RAB28: variants seen among roughly 807,000 people sequenced by gnomAD.
RAB28 encodes the protein ras-related protein Rab-28.
Under a neutral mutation model 31.7 loss-of-function variants are expected in RAB28, and 24 were observed. The observed-to-expected ratio is 0.76, with a 90% CI of 0.55 to 1.06. RAB28 has a LOEUF of 1.06. RAB28 is among the 50% of genes least tolerant of loss of function. The probability of loss-of-function intolerance (pLI) is 0.00; values close to 1 mark genes in which losing one functional copy is unlikely to be tolerated. For missense variants in RAB28, 254 were observed against 258.5 expected (o/e 0.98, Z 0.12); for synonymous variants, 100 against 90.4 (o/e 1.11, Z -0.60).
chr4:13,411,095 T>C (rs139357857), intron 4 of RAB28, among the ~76,000 whole-genome samples: 56 of 152,010 alleles, frequency 3.7e-4, no homozygotes, highest in African/African-American at 1.3e-3. Flanking sequence ...ATAAACTCAA[T>C]GAGAGGGAAA....
chr4:13,377,679 G>T (rs1728973717), intron 5 of RAB28, among the ~76,000 whole-genome samples: 1 of 152,222 alleles, frequency 6.6e-6, no homozygotes, highest in African/African-American at 2.4e-5. Context: ...AACAGCATTA[G>T]TCTGGTTGTT....
At chr4:13,419,090 G>C (rs1397793168) in intron 4 of RAB28, among the ~76,000 whole-genome samples, 1 of 151,726 alleles carries the variant, frequency 6.6e-6, no homozygotes, top group African/African-American at 2.4e-5. Flanking sequence ...AAAAAGCAGG[G>C]GTTGCAATCC....
intron 4 of RAB28, among the ~76,000 whole-genome samples, chr4:13,385,948 G>A (rs530674957): frequency 4.7e-4 from 71 of 152,230 alleles, no homozygotes; most frequent in Non-Finnish European, 8.4e-4. Context: ...ACAGACATTG[G>A]TTTGGGCAAA....
chr4:13,424,016 G>C (rs929257929), intron 4 of RAB28, among the ~76,000 whole-genome samples: 4 of 152,012 alleles, frequency 2.6e-5, no homozygotes, highest in African/African-American at 9.7e-5. Flanking sequence ...CAAATGCTCT[G>C]TCCGTTAAAA....
At chr4:13,435,723 A>G (rs1358528100) in intron 4 of RAB28, among the ~76,000 whole-genome samples, 1 of 152,222 alleles carries the variant, frequency 6.6e-6, no homozygotes, top group African/African-American at 2.4e-5. Flanking sequence ...AAATTGAATC[A>G]GCAATAAAAA....
chr4:13,370,229 T>G, intron 6 of RAB28: 1 of 972,046 alleles, frequency 1.0e-6, no homozygotes, highest in African/African-American at 1.8e-5. Flanking sequence ...GAAATAGATA[T>G]GACCACTGAA....
chr4:13,460,754 C>G lies in RAB28; in HGVS notation c.336G>C (p.Lys112Asn). The change falls in exon 4 of 7, where the codon AAG (lysine) becomes AAC (asparagine). Residue 112 changes from lysine to asparagine, a missense_variant. Coordinates refer to ENST00000330852, the MANE Select transcript of RAB28 (RefSeq NM_001017979.3). ...ENLEDWYTVV[K>N]KVSEESETQP... ...GAGTTTCTGACTCCTCGCTCACTTT[C>G]TTCACCACAGTATACCAATCTTCTA... 1 of 1,614,070 alleles carries G rather than the reference C, an allele frequency of 6.2e-7. No homozygotes were observed. The highest frequency in any genetic ancestry group is 8.5e-7 in the Non-Finnish European group (1 of 1,179,962).
At chr4:13,470,802 G>A (rs1347706162) in intron 3 of RAB28, among the ~76,000 whole-genome samples, 1 of 152,014 alleles carries the variant, frequency 6.6e-6, no homozygotes, top group East Asian at 1.9e-4. Context: ...TCAATTCTTA[G>A]AACTAGTTCT....
intron 4 of RAB28, among the ~76,000 whole-genome samples, chr4:13,426,007 G>C (rs1661262623): frequency 6.6e-6 from 1 of 152,044 alleles, no homozygotes; most frequent in African/African-American, 2.4e-5. Flanking sequence ...TTAAAGGTTA[G>C]GTTAAAAGCA....
At chr4:13,459,651 G>T in intron 4 of RAB28, 1 of 630,154 alleles carries the variant, frequency 1.6e-6, no homozygotes, top group Non-Finnish European at 2.0e-6. Flanking sequence ...TTTTTACCAA[G>T]AACCACTCTT....
intron 3 of RAB28, among the ~76,000 whole-genome samples, chr4:13,468,186 G>A (rs1429158979): frequency 6.6e-6 from 1 of 151,838 alleles, no homozygotes; most frequent in Non-Finnish European, 1.5e-5. Flanking sequence ...TTTTCATTAA[G>A]CAAACAGAAA....
intron 1 of RAB28, among the ~76,000 whole-genome samples, chr4:13,483,029 G>A (rs998397310): frequency 1.3e-5 from 2 of 152,150 alleles, no homozygotes; most frequent in African/African-American, 4.8e-5. Context: ...ATAAGGAAGG[G>A]GAGTACAGGG....
chr4:13,426,639 C>G (rs915722925), intron 4 of RAB28, among the ~76,000 whole-genome samples: 3 of 152,110 alleles, frequency 2.0e-5, no homozygotes, highest in Non-Finnish European at 4.4e-5. Flanking sequence ...AGAATAGAAA[C>G]TATGACTTAT....
Position 13,367,996 on chromosome 4 carries a change from TA to T in RAB28, c.*561del, listed in dbSNP as rs1553864419. On this transcript the variant is annotated 3_prime_UTR_variant, in exon 7 of 7. Coordinates refer to ENST00000330852, the MANE Select transcript of RAB28 (RefSeq NM_001017979.3). Reference sequence around the variant, plus strand: ...AATATAAACAATTTAGGCCCTTTTTTAAAAAATGAAAAAATATTTCTATTAC... The same window carrying T: ...AATATAAACAATTTAGGCCCTTTTTTAAAAATGAAAAAATATTTCTATTAC... The T allele has an allele frequency of 1.0e-6, 1 of 971,262 alleles. No homozygotes were observed. 60.2% of individuals were successfully genotyped at this position (971,262 alleles called of 1,614,324 possible).
chr4:13,420,581 T>C (rs1262421235), intron 4 of RAB28, among the ~76,000 whole-genome samples: 1 of 151,884 alleles, frequency 6.6e-6, no homozygotes, highest in Non-Finnish European at 1.5e-5. Flanking sequence ...GCTTCATCCC[T>C]GGGATGCAAA....
chr4:13,413,811 T>C (rs1712589253), intron 4 of RAB28, among the ~76,000 whole-genome samples: 1 of 152,158 alleles, frequency 6.6e-6, no homozygotes, highest in East Asian at 1.9e-4. Flanking sequence ...TGCTAAAATG[T>C]TCAGACCCAC....
intron 4 of RAB28, among the ~76,000 whole-genome samples, chr4:13,396,661 T>C (rs1342900611): frequency 6.6e-6 from 1 of 152,100 alleles, no homozygotes; most frequent in Non-Finnish European, 1.5e-5. Flanking sequence ...GTTTCTGGTA[T>C]AAATTTAAAG....
At chr4:13,453,570 T>C (rs1489726132) in intron 4 of RAB28, among the ~76,000 whole-genome samples, 4 of 152,110 alleles carry the variant, frequency 2.6e-5, no homozygotes, top group Non-Finnish European at 5.9e-5. Context: ...CTTGCTTGTC[T>C]AAAAAGGATA....
chr4:13,435,741 A>G (rs1400112353), intron 4 of RAB28, among the ~76,000 whole-genome samples: 1 of 152,184 alleles, frequency 6.6e-6, no homozygotes, highest in African/African-American at 2.4e-5. Context: ...AAAATATATT[A>G]AACAAATACT....
Sources: gnomAD v4.1 joint callset for allele counts (sites outside exome capture counted in the v4.1 genomes callset) on GRCh38, gnomAD v4.1.1 for gene constraint, MANE v1.5 for transcripts, NCBI Gene and HGNC (gene_info 2026-07-23, HGNC 2026-07-21) for gene names.